Variants in SASH3 observed in about 807,000 individuals in gnomAD.
SASH3 encodes the protein SAM and SH3 domain containing 3.
SASH3 carries 7 observed loss-of-function variants against 26.1 expected under a neutral mutation model. The ratio of observed to expected loss-of-function variants is 0.27; its 90% CI spans 0.15 to 0.50. The LOEUF (loss-of-function observed/expected upper bound fraction) is 0.50, where lower values mean the gene tolerates loss of function less well. SASH3 is among the 20% of genes least tolerant of loss of function. The pLI, the probability that SASH3 is intolerant of heterozygous loss-of-function variation, is 0.98. For synonymous variants in SASH3, 138 were observed against 136.8 expected, an observed-to-expected ratio of 1.01 and a Z score of -0.06; for missense variants, 231 against 318.3, an observed-to-expected ratio of 0.73 and a Z score of 2.09.
At chrX:129,789,162 AAAGAG>A (rs1927179498) in intron 3 of SASH3, among the ~76,000 whole-genome samples, 17 of 61,653 alleles carry the variant, frequency 2.8e-4, no homozygotes, top group African/African-American at 1.5e-3. Context: ...AGAAAGAAAG[AAAGAG>A]AAAAAAAAAA....
chrX:129,793,991 A>G lies in SASH3; in HGVS notation c.*159A>G, dbSNP rs1195200806. ...CACAGAGGCCAGGCCAGGGCCCTACAGGTTCCAGGCTCAGCTGGAGTGGTT... is the reference window on the plus strand; with the variant it reads ...CACAGAGGCCAGGCCAGGGCCCTACGGGTTCCAGGCTCAGCTGGAGTGGTT... On this transcript the variant is annotated 3_prime_UTR_variant, in exon 8 of 8. Transcript: ENST00000356892. 1.4e-5 allele frequency: 7 copies of G among 513,983 alleles called. No homozygotes were observed. The East Asian group carries it at 1.8e-4, about 13-fold the overall frequency. The allele number at this position is 513,983 out of a possible 1,213,427, so 42.4% of individuals were successfully genotyped here. A position where few individuals can be genotyped will look rare whatever the true frequency, so the allele number is the denominator to read the frequency against.
intron 3 of SASH3, among the ~76,000 whole-genome samples, chrX:129,790,476 C>T (rs1927211028): frequency 1.8e-5 from 2 of 109,353 alleles, no homozygotes; most frequent in African/African-American, 6.7e-5. Flanking sequence ...ACCCTTGGGC[C>T]TTACTCCTCA....
chrX:129,780,022 T>C lies in SASH3; in HGVS notation c.-76T>C. On this transcript the variant is annotated 5_prime_UTR_variant, in exon 1 of 8. Coordinates refer to ENST00000356892, the MANE Select transcript of SASH3 (RefSeq NM_018990.4). ...TTCATGCCGTGCCCCCGGGCAGTTCTGGTGAGGCTAAGCAAGAGGCCTCTG... is the reference window on the plus strand; with the variant it reads ...TTCATGCCGTGCCCCCGGGCAGTTCCGGTGAGGCTAAGCAAGAGGCCTCTG... 1 of 1,061,238 alleles carries C rather than the reference T, an allele frequency of 9.4e-7. No homozygotes were observed. 87.5% of individuals were successfully genotyped at this position (1,061,238 alleles called of 1,213,427 possible). A position where few individuals can be genotyped will look rare whatever the true frequency, so the allele number is the denominator to read the frequency against.
At position 129,792,364 on chromosome X, in the gene SASH3, G is replaced by A; in HGVS notation, c.479G>A (p.Ser160Asn). ...ELCSPSPGSGSFGEEPPAPQY... is the reference protein window; with the variant it reads ...ELCSPSPGSGNFGEEPPAPQY... ...TGCAGCCCCAGCCCAGGTTCTGGCA[G>A]CTTCGGGGAGGAACCACCTGCCCCC... Residue 160 changes from serine to asparagine, a missense_variant, in exon 5 of 8, where the codon AGC (serine) becomes AAC (asparagine). Ser to Asn is a conservative substitution (Grantham distance 46, BLOSUM62 1). Transcript: ENST00000356892. 8.3e-7 allele frequency: 1 copy of A among 1,210,283 alleles called. No individual in the cohort carries two copies.
intron 3 of SASH3, 61 bp downstream of exon 3, chrX:129,788,638 ATG>A: frequency 9.1e-7 from 1 of 1,103,530 alleles, no homozygotes; most frequent in East Asian, 3.0e-5. Context: ...CTCTGGCAGA[ATG>A]TGAGCATGAC....
intron 1 of SASH3, among the ~76,000 whole-genome samples, chrX:129,780,600 G>A (rs972541843): frequency 1.8e-5 from 2 of 112,723 alleles, no homozygotes; most frequent in Non-Finnish European, 3.8e-5. Flanking sequence ...GGGCTGCCCA[G>A]CTTGGAGCCA....
chrX:129,791,967 C>G (rs781693238), intron 4 of SASH3, among the ~76,000 whole-genome samples: 1 of 111,951 alleles, frequency 8.9e-6, no homozygotes, highest in African/African-American at 3.2e-5. Context: ...AAATGAGAAG[C>G]CTTGAGCAGT....
At chrX:129,786,054 T>C (rs771204873) in intron 1 of SASH3, among the ~76,000 whole-genome samples, 88 of 111,373 alleles carry the variant, frequency 7.9e-4, no homozygotes, top group Admixed American at 4.0e-3. Flanking sequence ...GAGATGCAGG[T>C]GAACCAGAGT....
At chrX:129,785,169 T>C (rs1212348713) in intron 1 of SASH3, among the ~76,000 whole-genome samples, 1 of 110,464 alleles carries the variant, frequency 9.1e-6, no homozygotes, top group Non-Finnish European at 1.9e-5. Context: ...CCCTGAGCCA[T>C]GAAGTGAAAA....
chrX:129,783,598 G>C (rs1443961907), intron 1 of SASH3, among the ~76,000 whole-genome samples: 1 of 112,290 alleles, frequency 8.9e-6, no homozygotes, highest in African/African-American at 3.2e-5. Context: ...TCTGCTTCGA[G>C]GTGCGAATAT....
intron 1 of SASH3, among the ~76,000 whole-genome samples, chrX:129,781,023 T>G (rs964013339): frequency 8.9e-6 from 1 of 112,120 alleles, no homozygotes; most frequent in Non-Finnish European, 1.9e-5. Context: ...TTGGTTGGGT[T>G]TGAGGATTTC....
At chrX:129,781,137 C>T (rs1403308773) in intron 1 of SASH3, among the ~76,000 whole-genome samples, 1 of 112,477 alleles carries the variant, frequency 8.9e-6, no homozygotes, top group Non-Finnish European at 1.9e-5. Context: ...CAGGCCTGAA[C>T]TAGGTCCAAG....
chrX:129,782,490 G>A (rs1055475289), intron 1 of SASH3, among the ~76,000 whole-genome samples: 2 of 112,306 alleles, frequency 1.8e-5, no homozygotes, highest in African/African-American at 6.5e-5. Context: ...ACAACCTGGT[G>A]AGGTAGGGGC....
At chrX:129,790,081 T>A (rs1025987112) in intron 3 of SASH3, among the ~76,000 whole-genome samples, 7 of 111,656 alleles carry the variant, frequency 6.3e-5, no homozygotes, top group African/African-American at 2.0e-4. Context: ...TAAATAAATT[T>A]AAAAAAATAA....
intron 5 of SASH3, 25 bp from the exon 6 acceptor site, chrX:129,792,602 C>T: frequency 4.2e-6 from 5 of 1,204,317 alleles, no homozygotes; most frequent in Non-Finnish European, 5.6e-6. Context: ...CCCTTGCTCC[C>T]TTCTCCTCTC....
chrX:129,787,626 C>T (rs1397275591), intron 1 of SASH3, among the ~76,000 whole-genome samples: 1 of 111,862 alleles, frequency 8.9e-6, no homozygotes, highest in Non-Finnish European at 1.9e-5. Context: ...TGAGGTATGT[C>T]TCTAGTAGTA....
intron 7 of SASH3, among the ~76,000 whole-genome samples, 183 bp downstream of exon 7, chrX:129,793,322 T>C (rs1317700434): frequency 8.9e-6 from 1 of 111,967 alleles, no homozygotes; most frequent in African/African-American, 3.2e-5. Context: ...GTTGTAGGGA[T>C]GATTGGGCCC....
chrX:129,785,195 A>G (rs781767151), intron 1 of SASH3, among the ~76,000 whole-genome samples: 4 of 110,882 alleles, frequency 3.6e-5, no homozygotes, highest in Non-Finnish European at 7.6e-5. Context: ...CCAACAGTGT[A>G]TGGTACCACC....
chrX:129,788,137 G>GGGGCCCGGC, intron 2 of SASH3, 67 bp downstream of exon 2: 3 of 354,273 alleles, frequency 8.5e-6, no homozygotes, highest in Non-Finnish European at 5.4e-6. Context: ...GGGTGGGAGG[G>GGGGCCCGGC]AAGAGGGTGA....
Sources: allele counts gnomAD v4.1 joint callset (sites outside exome capture counted in the v4.1 genomes callset), GRCh38; gene constraint gnomAD v4.1.1; transcripts MANE v1.5; gene names NCBI Gene and HGNC (gene_info 2026-07-23, HGNC 2026-07-21).